The following ZZZ3 variants were observed in gnomAD, a reference collection of about 807,000 sequenced individuals.
ZZZ3 encodes the protein zinc finger ZZ-type containing 3.
A neutral mutation model predicts 95.2 loss-of-function variants in ZZZ3; 22 were observed. The observed-to-expected ratio is 0.23, with a 90% CI of 0.17 to 0.33. The LOEUF (loss-of-function observed/expected upper bound fraction) is 0.33. ZZZ3 is among the 10% of genes least tolerant of loss of function. The probability of loss-of-function intolerance (pLI) is 1.00; values close to 1 mark genes in which losing one functional copy is unlikely to be tolerated. For synonymous variants in ZZZ3, 335 were observed against 358.9 expected (o/e 0.93, Z 0.75); for missense variants, 885 against 1,066.5 (o/e 0.83, Z 2.37).
intron 5 of ZZZ3, among the ~76,000 whole-genome samples, chr1:77,598,283 TAAGG>T (rs1407133867): frequency 1.3e-5 from 2 of 152,122 alleles, no homozygotes; most frequent in Non-Finnish European, 2.9e-5. Context: ...CAGAAAATCA[TAAGG>T]AAGAGAAAAT....
chr1:77,676,327 A>C (rs1014053906), intron 1 of ZZZ3, among the ~76,000 whole-genome samples: 12 of 152,142 alleles, frequency 7.9e-5, no homozygotes, highest in Admixed American at 2.0e-4. Context: ...CCACCACACC[A>C]GGCTAATTTT....
chr1:77,592,373 GC>G (rs1251774947), intron 5 of ZZZ3, among the ~76,000 whole-genome samples: 24 of 152,320 alleles, frequency 1.6e-4, no homozygotes, highest in African/African-American at 5.5e-4. Context: ...CGTGATCTCA[GC>G]TCACTGCAAC....
chr1:77,616,389 T>C (rs1367730381), intron 5 of ZZZ3, among the ~76,000 whole-genome samples: 1 of 152,220 alleles, frequency 6.6e-6, no homozygotes, highest in Admixed American at 6.5e-5. Context: ...CATTGAACCC[T>C]GTAGTTTCTC....
intron 2 of ZZZ3, 29 bp downstream of exon 2, chr1:77,641,491 TGG>T (rs1668772920): frequency 2.5e-6 from 1 of 397,894 alleles, no homozygotes; most frequent in Non-Finnish European, 4.4e-6. Context: ...AAACCCCACA[TGG>T]CCTTAATTAA....
At chr1:77,638,473 C>T (rs777643888) in intron 4 of ZZZ3, among the ~76,000 whole-genome samples, 6 of 152,082 alleles carry the variant, frequency 3.9e-5, no homozygotes, top group Non-Finnish European at 5.9e-5. Flanking sequence ...ACAAAAAAGG[C>T]CCACCTAATG....
At chr1:77,630,257 C>T (rs1667677030) in intron 5 of ZZZ3, among the ~76,000 whole-genome samples, 1 of 151,926 alleles carries the variant, frequency 6.6e-6, no homozygotes, top group African/African-American at 2.4e-5. Flanking sequence ...GAGGATCAAT[C>T]GAGCCCAGGA....
chr1:77,661,032 A>G (rs994040657), intron 1 of ZZZ3, among the ~76,000 whole-genome samples: 2 of 151,588 alleles, frequency 1.3e-5, no homozygotes, highest in Non-Finnish European at 2.9e-5. Flanking sequence ...CCATCATTAA[A>G]TTGAGCTTTA....
At chr1:77,676,177 G>C (rs531577501) in intron 1 of ZZZ3, among the ~76,000 whole-genome samples, 104 of 152,246 alleles carry the variant, frequency 6.8e-4, no homozygotes, top group African/African-American at 2.4e-3. Flanking sequence ...TGTTGGTTGG[G>C]GGTTTTTTGA....
chr1:77,587,531 T>C (rs948792907), intron 5 of ZZZ3, among the ~76,000 whole-genome samples: 8 of 152,316 alleles, frequency 5.3e-5, no homozygotes, highest in East Asian at 1.9e-4. Context: ...CCCAAAGTGC[T>C]GGGATTACAG....
At chr1:77,573,861 G>A (rs1350571452) in intron 12 of ZZZ3, among the ~76,000 whole-genome samples, 2 of 151,864 alleles carry the variant, frequency 1.3e-5, no homozygotes, top group Non-Finnish European at 2.9e-5. Flanking sequence ...GATATAGGGT[G>A]ATCTTTATGT....
At chr1:77,579,713 T>C in intron 9 of ZZZ3, 85 bp from the exon 10 acceptor site, 1 of 820,384 alleles carries the variant, frequency 1.2e-6, no homozygotes, top group Middle Eastern at 3.1e-4. Context: ...TCACATTTCA[T>C]TTCAAAATGT....
chr1:77,616,590 C>T (rs577564916), intron 5 of ZZZ3, among the ~76,000 whole-genome samples: 17 of 152,282 alleles, frequency 1.1e-4, no homozygotes, highest in South Asian at 4.1e-4. Context: ...GTCAGCCGGG[C>T]GCGGAGGCTC....
chr1:77,667,788 G>C (rs971703066), intron 1 of ZZZ3, among the ~76,000 whole-genome samples: 5 of 131,744 alleles, frequency 3.8e-5, no homozygotes, highest in African/African-American at 1.5e-4. Flanking sequence ...TTTTTTGAGA[G>C]AGAGTCTCGC....
intron 5 of ZZZ3, among the ~76,000 whole-genome samples, chr1:77,620,171 A>T (rs562574363): frequency 1.3e-5 from 2 of 152,318 alleles, no homozygotes; most frequent in South Asian, 4.2e-4. Context: ...AAAACAGGGA[A>T]AAGGTAGAGC....
At chr1:77,647,212 T>C (rs1669361852) in intron 1 of ZZZ3, among the ~76,000 whole-genome samples, 1 of 152,118 alleles carries the variant, frequency 6.6e-6, no homozygotes, top group Non-Finnish European at 1.5e-5. Flanking sequence ...CATTACATAG[T>C]GTTTCTACCA....
intron 5 of ZZZ3, 124 bp downstream of exon 5, chr1:77,631,726 A>G: frequency 1.3e-6 from 1 of 783,630 alleles, no homozygotes; most frequent in East Asian, 2.8e-5. Flanking sequence ...AGAAAATCAT[A>G]TTAAACCTAA....
At chr1:77,566,216 A>C in intron 13 of ZZZ3, 35 bp from the exon 14 acceptor site, 1 of 1,442,312 alleles carries the variant, frequency 6.9e-7, no homozygotes, top group Middle Eastern at 1.8e-4. Flanking sequence ...GTATTAAGTT[A>C]TACTGTTCCA....
intron 5 of ZZZ3, among the ~76,000 whole-genome samples, chr1:77,598,664 G>C (rs2100659114): frequency 6.6e-6 from 1 of 152,130 alleles, no homozygotes; most frequent in South Asian, 2.1e-4. Context: ...TTTATTTCTG[G>C]TTAAACATTA....
rs1667148965 is a variant in ZZZ3, at chr1:77,624,355, T to C, written c.1505+7495A>G. Among the ~76,000 whole-genome samples, 5 of 152,240 alleles carry C rather than the reference T, an allele frequency of 3.3e-5. No individual in the cohort carries two copies. In the Middle Eastern group the frequency reaches 0.01, roughly 311 times the overall value. ...GGGTGGAGTCCTGGGTGGAGGATGGTCATTACAAAGAGCAAGCCATCATTA... is the reference window on the plus strand; with the variant it reads ...GGGTGGAGTCCTGGGTGGAGGATGGCCATTACAAAGAGCAAGCCATCATTA... On this transcript the variant is annotated intron_variant, in intron 5 of 14. Transcript: ENST00000370801.
Sources: allele counts gnomAD v4.1 joint callset (sites outside exome capture counted in the v4.1 genomes callset), GRCh38; gene constraint gnomAD v4.1.1; transcripts MANE v1.5; gene names NCBI Gene and HGNC (gene_info 2026-07-23, HGNC 2026-07-21).